Variants in EPG5 observed in about 807,000 individuals in gnomAD.
EPG5 encodes ectopic P granules protein 5 homolog.
A neutral mutation model predicts 302.7 loss-of-function variants in EPG5; 159 were observed. The observed-to-expected ratio is 0.53, with a 90% CI of 0.46 to 0.60. The LOEUF is 0.60. Among genes scored for constraint, EPG5 ranks in the 20% least tolerant of loss-of-function variants. The pLI is 0.00. For synonymous variants in EPG5, 1,158 were observed against 1,136.8 expected (o/e 1.02, Z -0.37); for missense variants, 2,896 against 3,092.4 (o/e 0.94, Z 1.51).
chr18:45,867,091 T>C, intron 37 of EPG5, 84 bp from the exon 38 acceptor site: 1 of 911,294 alleles, frequency 1.1e-6, no homozygotes. Context: ...GTGGAATAAC[T>C]ACTAAGATGG....
chr18:45,880,123 C>T lies in EPG5; in HGVS notation c.5619G>A (p.Glu1873=). 6.2e-7 allele frequency: 1 copy of T among 1,611,140 alleles called. No individual in the cohort carries two copies. The highest frequency in any genetic ancestry group is 1.3e-5 in the African/African-American group (1 of 74,984). The change falls in exon 32 of 44, where the codon GAG becomes GAA. Residue 1873 remains glutamate, a synonymous_variant. Transcript: ENST00000282041. ...PSCQQGAAST[E]GAVLPSSSDA... is the part of the protein sequence containing the mutation. ...CAGAAGAGCTGGGAAGCACGGCGCC[C>T]TCGGTGGACGCTGCCCCCTGCTGGC...
At chr18:45,870,882 T>A in intron 35 of EPG5, 140 bp from the exon 36 acceptor site, 1 of 639,824 alleles carries the variant, frequency 1.6e-6, no homozygotes, top group Non-Finnish European at 2.6e-6. Context: ...GTAGGGAGAG[T>A]GGTTAAGGGG....
chr18:45,838,039 A>C, the EPG5 span: 164 of 1,095,676 alleles, frequency 1.5e-4, no homozygotes, highest in Middle Eastern at 3.1e-4. Context: ...CAGGGATCTC[A>C]CACCTGGGGG....
intron 27 of EPG5, among the ~76,000 whole-genome samples, chr18:45,893,792 T>G (rs8090303): frequency 1.3e-5 from 2 of 152,214 alleles, no homozygotes; most frequent in Admixed American, 6.5e-5. Context: ...AAGTATTAAG[T>G]TGTTTAAAAG....
intron 39 of EPG5, among the ~76,000 whole-genome samples, chr18:45,860,686 C>G (rs1448804604): frequency 1.3e-5 from 2 of 152,204 alleles, no homozygotes; most frequent in South Asian, 4.1e-4. Flanking sequence ...AACCTTTGCT[C>G]ATGGAAAACC....
At chr18:45,917,022 G>A (rs75425623) in intron 17 of EPG5, among the ~76,000 whole-genome samples, 1,544 of 152,274 alleles carry the variant, frequency 0.01, 63 homozygotes, top group Admixed American at 0.07. Flanking sequence ...TAACATCTCC[G>A]GGGGAGAAAC....
Position 45,910,705 on chromosome 18 carries a change from G to GA in EPG5, c.4020dup (p.Gln1341SerfsTer21), listed in dbSNP as rs2145667073. Reference sequence around the variant, plus strand: ...AACAAATTGATATGAGCAGGACTTTGAAAAAACCTTCTTCCAATACAACCA... The same window carrying GA: ...AACAAATTGATATGAGCAGGACTTTGAAAAAAACCTTCTTCCAATACAACCA... On this transcript the variant is annotated frameshift_variant, in exon 23 of 44. Coordinates refer to ENST00000282041, the MANE Select transcript of EPG5 (RefSeq NM_020964.3). LOFTEE classifies it high-confidence loss of function. 1.2e-6 allele frequency: 2 copies of GA among 1,613,720 alleles called. No individual in the cohort carries two copies. Among genetic ancestry groups the GA allele is most frequent in the Non-Finnish European group, 1.7e-6 (2 of 1,179,898 alleles).
intron 32 of EPG5, 149 bp from the exon 33 acceptor site, chr18:45,879,363 TTTTTTG>T (rs975347218): frequency 3.7e-5 from 23 of 625,162 alleles, no homozygotes; most frequent in South Asian, 1.5e-4. Flanking sequence ...AAATCAATGG[TTTTTTG>T]TTTTTGTTTT....
At chr18:45,891,683 T>C (rs1318656048) in intron 27 of EPG5, among the ~76,000 whole-genome samples, 1 of 151,822 alleles carries the variant, frequency 6.6e-6, no homozygotes, top group Non-Finnish European at 1.5e-5. Context: ...AAAACTTCTT[T>C]AAAAAAGAAA....
intron 27 of EPG5, among the ~76,000 whole-genome samples, chr18:45,893,285 C>A (rs1440913443): frequency 6.6e-6 from 1 of 152,188 alleles, no homozygotes; most frequent in Admixed American, 6.5e-5. Flanking sequence ...GTTGGATAAA[C>A]TAGGCACAGT....
At chr18:45,856,842 A>G (rs1326764140) in intron 42 of EPG5, among the ~76,000 whole-genome samples, 1 of 152,234 alleles carries the variant, frequency 6.6e-6, no homozygotes, top group African/African-American at 2.4e-5. Context: ...AAATTCTTCC[A>G]TGCCTTGGGA....
intron 35 of EPG5, among the ~76,000 whole-genome samples, chr18:45,874,138 C>T (rs2048924179): frequency 6.6e-6 from 1 of 152,178 alleles, no homozygotes; most frequent in Non-Finnish European, 1.5e-5. Flanking sequence ...CAAGAGAGAA[C>T]ACTAATGTAA....
chr18:45,959,212 G>A (rs948842802), intron 1 of EPG5, among the ~76,000 whole-genome samples: 1 of 152,172 alleles, frequency 6.6e-6, no homozygotes, highest in Non-Finnish European at 1.5e-5. Context: ...ATGGTGGCTG[G>A]CACATGTAAT....
At chr18:45,923,218 T>G in intron 15 of EPG5, 50 bp downstream of exon 15, 7 of 1,594,836 alleles carry the variant, frequency 4.4e-6, no homozygotes, top group Non-Finnish European at 6.0e-6. Context: ...TTTCTAAATG[T>G]CTTGGGAAGA....
At position 45,905,359 on chromosome 18, in the gene EPG5, A is replaced by G. The variant is rs556958160; in HGVS notation, c.4330-1242T>C. Among the ~76,000 whole-genome samples, 258 of 152,328 alleles carry G rather than the reference A, an allele frequency of 1.7e-3. 2 individuals are homozygous for G. The highest frequency in any genetic ancestry group is 5.9e-3 in the African/African-American group (246 of 41,572). ...ACCAAAAAATGTCCTTGGCTTCTCA[A>G]TAAGCATACTGCTGTGAAGTCCCAA... On this transcript the variant is annotated intron_variant, in intron 24 of 43. Coordinates refer to ENST00000282041, the MANE Select transcript of EPG5 (RefSeq NM_020964.3).
At chr18:45,831,780 C>T in the EPG5 span, among the ~76,000 whole-genome samples, 1 of 151,422 alleles carries the variant, frequency 6.6e-6, no homozygotes, top group Non-Finnish European at 1.5e-5. Flanking sequence ...TCTTGTTGCC[C>T]AGGCTGGAGT....
chr18:45,913,636 AC>A, intron 21 of EPG5, 69 bp downstream of exon 21: 1 of 1,572,506 alleles, frequency 6.4e-7, no homozygotes, highest in Non-Finnish European at 8.7e-7. Context: ...CTCAAAAGCT[AC>A]GGGTGAATCC....
intron 27 of EPG5, among the ~76,000 whole-genome samples, chr18:45,897,365 T>A (rs569898618): frequency 1.3e-5 from 2 of 152,372 alleles, no homozygotes; most frequent in South Asian, 2.1e-4. Context: ...CTGGCAAAGA[T>A]ATGTAGTTTT....
At chr18:45,826,403 G>C in the EPG5 span, among the ~76,000 whole-genome samples, 58 of 152,282 alleles carry the variant, frequency 3.8e-4, no homozygotes, top group African/African-American at 1.3e-3. Flanking sequence ...GAATCCCTGG[G>C]GTTAGGAGAG....
Sources: allele counts gnomAD v4.1 joint callset (sites outside exome capture counted in the v4.1 genomes callset), GRCh38; gene constraint gnomAD v4.1.1; transcripts MANE v1.5; gene names NCBI Gene and HGNC (gene_info 2026-07-23, HGNC 2026-07-21).